Variants in CDCP1 observed in about 807,000 individuals in gnomAD.
CDCP1 encodes CUB domain containing protein 1, also known as CUB domain-containing protein 1.
CDCP1 carries 29 observed loss-of-function variants against 60.2 expected under a neutral mutation model. That is an observed-to-expected ratio of 0.48 (90% confidence interval 0.36 to 0.66). CDCP1 has a LOEUF of 0.66. CDCP1 is among the 30% of genes least tolerant of loss of function. The probability of loss-of-function intolerance (pLI) is 0.00; values close to 1 mark genes in which losing one functional copy is unlikely to be tolerated. For synonymous variants in CDCP1, 387 were observed against 431.1 expected, an observed-to-expected ratio of 0.90 and a Z score of 1.27; for missense variants, 876 against 1,074.3, an observed-to-expected ratio of 0.82 and a Z score of 2.58.
chr3:45,093,677 C>A lies in CDCP1; in HGVS notation c.1247-20G>T. On this transcript the variant is annotated intron_variant, in intron 5 of 8. Transcript: ENST00000296129. ...TGCAGCCTGGAAGAAGTGGGGCATGCTAGCCATGCACAAAGGAGACCAGAA... is the reference window on the plus strand; with the variant it reads ...TGCAGCCTGGAAGAAGTGGGGCATGATAGCCATGCACAAAGGAGACCAGAA... 6.3e-7 allele frequency: 1 copy of A among 1,594,172 alleles called. No individual in the cohort carries two copies.
intron 2 of CDCP1, among the ~76,000 whole-genome samples, chr3:45,113,268 C>T (rs1184643972): frequency 6.6e-6 from 1 of 152,196 alleles, no homozygotes. Flanking sequence ...CTTGCACTGC[C>T]TTAATGCTGA....
At chr3:45,105,721 T>A (rs1698552868) in intron 4 of CDCP1, among the ~76,000 whole-genome samples, 1 of 152,214 alleles carries the variant, frequency 6.6e-6, no homozygotes, top group South Asian at 2.1e-4. Flanking sequence ...TAGAATACTG[T>A]ACCATTAACT....
At chr3:45,128,748 G>A (rs770845418) in intron 1 of CDCP1, among the ~76,000 whole-genome samples, 1 of 152,166 alleles carries the variant, frequency 6.6e-6, no homozygotes, top group African/African-American at 2.4e-5. Flanking sequence ...ACAGAGTCTT[G>A]CTCTTGTTGC....
intron 1 of CDCP1, among the ~76,000 whole-genome samples, chr3:45,126,017 G>A (rs1226332922): frequency 6.6e-6 from 1 of 152,178 alleles, no homozygotes; most frequent in African/African-American, 2.4e-5. Context: ...CCCACCCAGG[G>A]TACCACAATG....
Position 45,083,175 on chromosome 3 carries a change from A to G in CDCP1, c.*2463T>C, listed in dbSNP as rs2125986933. On this transcript the variant is annotated 3_prime_UTR_variant, in exon 9 of 9. Coordinates refer to ENST00000296129, the MANE Select transcript of CDCP1 (RefSeq NM_022842.5). The stretch of plus-strand genomic sequence containing the variant: ...GCTAGGGCTCCACACAGTGAATTCA[A>G]ATAAGGGCTCTTCAGTGAGGGAAGG... 6.6e-6 allele frequency: 1 copy of G among 152,328 alleles called. No homozygotes were observed. Among genetic ancestry groups the G allele is most frequent in the South Asian group, 2.1e-4 (1 of 4,826 alleles). The allele number at this position is 152,328 out of a possible 1,614,324, so 9.4% of individuals were successfully genotyped here.
In CDCP1 at chr3:45,091,294, A is replaced by G; in HGVS notation, c.1872T>C (p.Asp624=). The change falls in exon 7 of 9, where the codon GAT becomes GAC. Residue 624 remains aspartate (D), a synonymous_variant. Transcript: ENST00000296129. This position sits in a 1 kb window ranked among gnomAD's most constrained non-coding sequence, Gnocchi z 4.8. ...RAEEIFSLDE[D]VLPKPSFHHH... ...GGTGGAAGCTTGGCTTGGGGAGCAC[A>G]TCCTCGTCCAGGCTGAAGATCTCCT... 1.9e-6 allele frequency: 3 copies of G among 1,613,990 alleles called. No homozygotes were observed. Among genetic ancestry groups the G allele is most frequent in the Non-Finnish European group, 2.5e-6 (3 of 1,180,016 alleles).
Position 45,086,009 on chromosome 3 carries a change from C to T in CDCP1, c.2140G>A (p.Glu714Lys), listed in dbSNP as rs376427211. Residue 714 changes from glutamate (E) to lysine (K), a missense_variant, in exon 9 of 9, where the codon GAG becomes AAG. Around this residue, in one of 2 missense-constraint regions of CDCP1, gnomAD observed 726 missense variants for 935.7 expected, o/e 0.78. Coordinates refer to ENST00000296129, the MANE Select transcript of CDCP1 (RefSeq NM_022842.5). Reference protein sequence around the residue: ...VGIYNDNINTEMPRQPKKFQK... With the variant: ...VGIYNDNINTKMPRQPKKFQK... ...AACTTTTTTGGCTGCCTCGGCATCT[C>T]AGTATTGATGTTGTCATTGTAGATA... The T allele has an allele frequency of 1.1e-5, 17 of 1,614,046 alleles. No homozygotes were observed. Among genetic ancestry groups the T allele is most frequent in the African/African-American group, 2.7e-5 (2 of 74,924 alleles).
At chr3:45,095,894 C>A (rs942457828) in intron 4 of CDCP1, among the ~76,000 whole-genome samples, 1 of 152,050 alleles carries the variant, frequency 6.6e-6, no homozygotes, top group Non-Finnish European at 1.5e-5. Flanking sequence ...AGGGACACGT[C>A]GGGAGAAAGT....
intron 4 of CDCP1, among the ~76,000 whole-genome samples, chr3:45,103,938 G>A (rs1698523990): frequency 6.6e-6 from 1 of 152,208 alleles, no homozygotes; most frequent in African/African-American, 2.4e-5. Context: ...GACTATGAGA[G>A]TAGGTGTAAG....
intron 1 of CDCP1, among the ~76,000 whole-genome samples, chr3:45,141,263 G>C (rs994703472): frequency 6.6e-6 from 1 of 152,070 alleles, no homozygotes; most frequent in African/African-American, 2.4e-5. Flanking sequence ...GTCAACAAAG[G>C]GAGGTGCCCT....
chr3:45,094,462 AACCTCAAGTTATCTGCCTGATAACCTG>A (rs1698361282), intron 5 of CDCP1, among the ~76,000 whole-genome samples: 1 of 152,172 alleles, frequency 6.6e-6, no homozygotes, highest in East Asian at 1.9e-4. Context: ...CAGCCTGCCC[AACCTCAAGTTATCTGCCTGATAACCTG>A]ACCTCAAGTT....
At chr3:45,139,329 G>A (rs568313799) in intron 1 of CDCP1, 1 of 152,378 alleles carries the variant, frequency 6.6e-6, no homozygotes, top group South Asian at 2.1e-4. Flanking sequence ...GTCCCTACAG[G>A]TTAAGCAACT....
At chr3:45,109,301 C>G (rs1430101310) in intron 4 of CDCP1, among the ~76,000 whole-genome samples, 2 of 151,958 alleles carry the variant, frequency 1.3e-5, no homozygotes, top group Non-Finnish European at 2.9e-5. Context: ...TGGACGTTTC[C>G]AGGGCAGCAC....
intron 4 of CDCP1, 133 bp from the exon 5 acceptor site, chr3:45,095,701 C>CCATAA: frequency 4.5e-6 from 3 of 666,886 alleles, no homozygotes. Flanking sequence ...GTTGGGAAAA[C>CCATAA]GTATTATTAA....
At chr3:45,128,959 C>T (rs1699044410) in intron 1 of CDCP1, among the ~76,000 whole-genome samples, 1 of 152,234 alleles carries the variant, frequency 6.6e-6, no homozygotes, top group Non-Finnish European at 1.5e-5. Flanking sequence ...TCAGGTGATA[C>T]ACCTGCCTTA....
rs1433084315 is a variant in CDCP1, at chr3:45,085,064, C to A, written c.*574G>T. 1 of 152,428 alleles carries A rather than the reference C, an allele frequency of 6.6e-6. No homozygotes were observed. Among genetic ancestry groups the A allele is most frequent in the African/African-American group, 2.4e-5 (1 of 41,450 alleles). 9.4% of individuals were successfully genotyped at this position (152,428 alleles called of 1,614,324 possible). Reference sequence around the variant, plus strand: ...ATTCCCACCACCTGGGGGACAGGCACACGTTTATCTAGCGGTCAGTAGAAG... The same window carrying A: ...ATTCCCACCACCTGGGGGACAGGCAAACGTTTATCTAGCGGTCAGTAGAAG... On this transcript the variant is annotated 3_prime_UTR_variant, in exon 9 of 9. Coordinates refer to ENST00000296129, the MANE Select transcript of CDCP1 (RefSeq NM_022842.5). The surrounding 1 kb of genome is among the most constrained non-coding windows in gnomAD (Gnocchi z 4.2).
At chr3:45,090,125 T>C (rs73087600) in intron 7 of CDCP1, among the ~76,000 whole-genome samples, 12,676 of 152,210 alleles carry the variant, frequency 0.083, 703 homozygotes, top group South Asian at 0.23. Context: ...TTTTCACTTG[T>C]GGCATTTGGC....
rs1239447121 is a variant in CDCP1 at position 45,135,564 on chromosome 3, C to T, written c.82+10642G>A. ...ATATTGAAGGATTAACTCTGAATTG[C>T]GTCTTTCCAGACAGTGGATCACTTA... On this transcript the variant is annotated intron_variant, in intron 1 of 8. Transcript: ENST00000296129. Among the ~76,000 whole-genome samples the T allele has an allele frequency of 3.3e-5, 5 of 152,256 alleles. No homozygotes were observed. In the East Asian group the frequency reaches 9.7e-4, roughly 29 times the overall value.
intron 5 of CDCP1, among the ~76,000 whole-genome samples, chr3:45,095,043 C>A (rs1461446183): frequency 6.6e-6 from 1 of 151,754 alleles, no homozygotes; most frequent in Non-Finnish European, 1.5e-5. Context: ...AGGCCATTCT[C>A]CTGCTTCAGC....
Sources: gnomAD v4.1 joint callset for allele counts (sites outside exome capture counted in the v4.1 genomes callset) on GRCh38, gnomAD v4.1.1 for gene constraint, gnomAD v4.1.1 regional missense constraint, Gnocchi (gnomAD v3.1) non-coding constraint, MANE v1.5 for transcripts, NCBI Gene and HGNC (gene_info 2026-07-23, HGNC 2026-07-21) for gene names.